The following HTT variants were observed in gnomAD, a reference collection of about 807,000 sequenced individuals.
The protein encoded by HTT is huntingtin.
HTT carries 104 observed loss-of-function variants against 362.3 expected under a neutral mutation model. That is an observed-to-expected ratio of 0.29 (90% CI 0.24 to 0.34). HTT has a LOEUF of 0.34. HTT is among the 10% of genes least tolerant of loss of function. HTT has a pLI of 1.00. For missense variants in HTT, 3,301 were observed against 3,928.6 expected (o/e 0.84, Z 4.27); for synonymous variants, 1,577 against 1,548.7 (o/e 1.02, Z -0.43).
At chr4:3,178,067 C>T (rs749498089) in intron 34 of HTT, among the ~76,000 whole-genome samples, 5 of 152,182 alleles carry the variant, frequency 3.3e-5, no homozygotes, top group Admixed American at 1.3e-4. Context: ...GCCCCTGTGC[C>T]GTCGGGTGCC....
chr4:3,140,461 G>C, intron 21 of HTT, 49 bp from the exon 22 acceptor site: 1 of 1,580,442 alleles, frequency 6.3e-7, no homozygotes, highest in Non-Finnish European at 8.7e-7. Flanking sequence ...TCTATCACAG[G>C]TGAGTTTCAT....
chr4:3,230,128 G>GCACAGAGGTTTCT, intron 60 of HTT, 86 bp downstream of exon 60: 1 of 1,181,700 alleles, frequency 8.5e-7, no homozygotes, highest in South Asian at 1.3e-5. Flanking sequence ...AGAGGTGCCG[G>GCACAGAGGTTTCT]GTGCGGCTGC....
At chr4:3,221,006 TG>T (rs1720648266) in intron 53 of HTT, among the ~76,000 whole-genome samples, 1 of 152,244 alleles carries the variant, frequency 6.6e-6, no homozygotes, top group Non-Finnish European at 1.5e-5. Flanking sequence ...TCACCACTTT[TG>T]CCCCTATTTG....
rs754476374 is a variant in HTT at position 3,222,396 on chromosome 4, G to A, written c.7379G>A (p.Ser2460Asn). 6.2e-7 allele frequency: 1 copy of A among 1,613,836 alleles called. No individual in the cohort carries two copies. The highest frequency in any genetic ancestry group is 8.5e-7 in the Non-Finnish European group (1 of 1,179,726). Residue 2460 changes from serine (S) to asparagine (N), a missense_variant, in exon 54 of 67, where the codon AGT becomes AAT. Transcript: ENST00000355072. ...IYRINTLGWT[S>N]RTQFEETWAT... ...ACATTTATATTTCTAGGCTGGACCAGTCGTACTCAGTTTGAAGAAACTTGG... is the reference window on the plus strand; with the variant it reads ...ACATTTATATTTCTAGGCTGGACCAATCGTACTCAGTTTGAAGAAACTTGG...
chr4:3,093,499 G>T (rs1713627793), intron 2 of HTT, among the ~76,000 whole-genome samples: 1 of 152,144 alleles, frequency 6.6e-6, no homozygotes, highest in African/African-American at 2.4e-5. Flanking sequence ...GCAGAATAAT[G>T]CTCCCCTCTT....
At chr4:3,144,272 AT>A (rs1716492171) in intron 23 of HTT, among the ~76,000 whole-genome samples, 1 of 152,210 alleles carries the variant, frequency 6.6e-6, no homozygotes, top group African/African-American at 2.4e-5. Context: ...TCAGAAAAAA[AT>A]AATATACAAA....
intron 2 of HTT, among the ~76,000 whole-genome samples, chr4:3,092,722 T>C (rs1713580631): frequency 6.6e-6 from 1 of 152,218 alleles, no homozygotes; most frequent in African/African-American, 2.4e-5. Context: ...ATATTAACAA[T>C]GTGTTAAAAA....
At chr4:3,143,453 AAAG>A (rs1206989715) in intron 23 of HTT, among the ~76,000 whole-genome samples, 15 of 150,846 alleles carry the variant, frequency 9.9e-5, no homozygotes, top group Non-Finnish European at 1.9e-4. Context: ...AAAAAAAAAA[AAAG>A]AAAAGAAAAA....
intron 40 of HTT, among the ~76,000 whole-genome samples, chr4:3,193,522 C>T (rs749585961): frequency 2.0e-5 from 3 of 152,150 alleles, no homozygotes; most frequent in South Asian, 2.1e-4. Context: ...TCTACATGTC[C>T]GAGCGATCTC....
intron 2 of HTT, among the ~76,000 whole-genome samples, chr4:3,095,273 C>T (rs1713792220): frequency 6.6e-6 from 1 of 152,230 alleles, no homozygotes; most frequent in Admixed American, 6.5e-5. Flanking sequence ...GTCTGCAATC[C>T]CGGCACCTCG....
At chr4:3,212,738 G>T (rs376321101) in intron 49 of HTT, 29 bp downstream of exon 49, 70 of 1,613,322 alleles carry the variant, frequency 4.3e-5, no homozygotes, top group Non-Finnish European at 5.6e-5. Context: ...GCTCAGTGTT[G>T]CTGTGGGGAG....
At chr4:3,202,665 C>G (rs530217618) in intron 41 of HTT, among the ~76,000 whole-genome samples, 2 of 152,158 alleles carry the variant, frequency 1.3e-5, no homozygotes, top group Non-Finnish European at 2.9e-5. Context: ...CCAGGTCTAA[C>G]CACCAATCCG....
chr4:3,201,203 C>T (rs958064015), intron 41 of HTT, among the ~76,000 whole-genome samples: 10 of 152,314 alleles, frequency 6.6e-5, no homozygotes, highest in Middle Eastern at 3.4e-3. Context: ...TTATAACCTT[C>T]TGTATTGTTC....
intron 61 of HTT, 45 bp from the exon 62 acceptor site, chr4:3,235,239 G>A (rs376226083): frequency 7.2e-5 from 96 of 1,342,036 alleles, no homozygotes; most frequent in Middle Eastern, 2.2e-4. Flanking sequence ...CCCTCTCCAC[G>A]TTGGATGGGG....
intron 22 of HTT, among the ~76,000 whole-genome samples, 167 bp downstream of exon 22, chr4:3,140,823 C>T (rs540710436): frequency 4.0e-4 from 61 of 152,200 alleles, no homozygotes; most frequent in Non-Finnish European, 8.1e-4. Context: ...TGAGGATTGA[C>T]CACACCACCT....
intron 45 of HTT, among the ~76,000 whole-genome samples, chr4:3,208,301 A>G (rs1390520657): frequency 1.3e-5 from 2 of 152,194 alleles, no homozygotes; most frequent in African/African-American, 4.8e-5. Flanking sequence ...CAGATGAGGG[A>G]GATTAAAAGA....
At chr4:3,131,210 A>G (rs1221080312) in intron 14 of HTT, 76 bp from the exon 15 acceptor site, 6 of 1,128,164 alleles carry the variant, frequency 5.3e-6, no homozygotes, top group Middle Eastern at 2.0e-4. Flanking sequence ...CTGCTCTGGA[A>G]CTATCTGTTG....
At chr4:3,220,422 A>G in intron 53 of HTT, 114 bp downstream of exon 53, 3 of 1,091,906 alleles carry the variant, frequency 2.7e-6, no homozygotes, top group Non-Finnish European at 4.0e-6. Context: ...TTTAAGCATG[A>G]TAATAATACA....
chr4:3,099,882 TGGAG>T (rs1472905655), intron 3 of HTT, among the ~76,000 whole-genome samples: 2 of 146,258 alleles, frequency 1.4e-5, no homozygotes, highest in Non-Finnish European at 2.9e-5. Flanking sequence ...TTGTATGGTT[TGGAG>T]GTGCTCTGTT....
Sources: gnomAD v4.1 joint callset for allele counts (sites outside exome capture counted in the v4.1 genomes callset) on GRCh38, gnomAD v4.1.1 for gene constraint, MANE v1.5 for transcripts, NCBI Gene and HGNC (gene_info 2026-07-23, HGNC 2026-07-21) for gene names.